Variants in NT5DC1 observed in about 807,000 individuals in gnomAD.
NT5DC1 encodes 5'-nucleotidase domain-containing protein 1.
In NT5DC1, 42 loss-of-function variants were observed where a neutral mutation model predicts 59.4. The ratio of observed to expected loss-of-function variants is 0.71; its 90% CI spans 0.55 to 0.92. The LOEUF is 0.92. NT5DC1 is among the 40% of genes least tolerant of loss of function. The probability of loss-of-function intolerance (pLI) is 0.00; values close to 1 mark genes in which losing one functional copy is unlikely to be tolerated. For missense variants in NT5DC1, 501 were observed against 537.1 expected (o/e 0.93, Z 0.66); for synonymous variants, 172 against 188.1 (o/e 0.91, Z 0.70).
rs1562176347 is a variant in NT5DC1 at position 116,235,060 on chromosome 6, T to TATTA, written c.803-1905_803-1902dup. On this transcript the variant is annotated intron_variant, in intron 8 of 11. Transcript: ENST00000319550. ...GTTTTTTTTTTTTTTTTTTGCTTCC[T>TATTA]ATTAGATTACTGAGTCTCAACATTT... Among the ~76,000 whole-genome samples, 7 of 150,868 alleles carry TATTA rather than the reference T, an allele frequency of 4.6e-5. No homozygotes were observed. In the South Asian group the frequency reaches 6.3e-4, roughly 14 times the overall value.
intron 6 of NT5DC1, among the ~76,000 whole-genome samples, chr6:116,143,772 A>G (rs928994835): frequency 7.2e-5 from 11 of 152,216 alleles, no homozygotes; most frequent in African/African-American, 2.7e-4. Context: ...TTCAGTCAAC[A>G]AAATTAGCTA....
chr6:116,122,849 A>G (rs140230341), intron 6 of NT5DC1, among the ~76,000 whole-genome samples: 1 of 152,226 alleles, frequency 6.6e-6, no homozygotes, highest in Admixed American at 6.5e-5. Flanking sequence ...TTATATTTCA[A>G]TTTGAAAACA....
At chr6:116,111,049 C>G in intron 4 of NT5DC1, 93 bp downstream of exon 4, 1 of 830,582 alleles carries the variant, frequency 1.2e-6, no homozygotes, top group South Asian at 1.6e-5. Flanking sequence ...CCCCCTTTCC[C>G]CTGCTGGGCA....
chr6:116,163,226 G>T (rs1307614896), intron 6 of NT5DC1, among the ~76,000 whole-genome samples: 1 of 147,170 alleles, frequency 6.8e-6, no homozygotes, highest in African/African-American at 2.5e-5. Context: ...AATTCCCCTG[G>T]TCCTGGGTTT....
At chr6:116,156,778 A>G (rs1349542593) in intron 6 of NT5DC1, among the ~76,000 whole-genome samples, 5 of 152,194 alleles carry the variant, frequency 3.3e-5, no homozygotes, top group South Asian at 2.1e-4. Flanking sequence ...CAAGATATCT[A>G]TGGATATGAA....
At chr6:116,164,837 G>T (rs973151228) in intron 6 of NT5DC1, among the ~76,000 whole-genome samples, 4 of 151,892 alleles carry the variant, frequency 2.6e-5, no homozygotes, top group Non-Finnish European at 5.9e-5. Flanking sequence ...AAAGATACAC[G>T]CTTTGGGAGG....
chr6:116,221,345 G>A, intron 7 of NT5DC1, 117 bp downstream of exon 7: 1 of 636,532 alleles, frequency 1.6e-6, no homozygotes, highest in Admixed American at 2.6e-5. Context: ...AATGCTGAGT[G>A]ACAAGTTGAT....
intron 8 of NT5DC1, among the ~76,000 whole-genome samples, chr6:116,236,177 C>T (rs1782110675): frequency 6.6e-6 from 1 of 152,170 alleles, no homozygotes; most frequent in South Asian, 2.1e-4. Flanking sequence ...GGTTATTTTT[C>T]TCCATACAAT....
intron 8 of NT5DC1, among the ~76,000 whole-genome samples, chr6:116,236,005 A>G (rs1782107404): frequency 6.6e-6 from 1 of 152,134 alleles, no homozygotes; most frequent in African/African-American, 2.4e-5. Flanking sequence ...CTTAAAGAGG[A>G]CCCTTCTAAT....
At chr6:116,215,305 A>G (rs544460514) in intron 6 of NT5DC1, among the ~76,000 whole-genome samples, 1 of 152,302 alleles carries the variant, frequency 6.6e-6, no homozygotes, top group African/African-American at 2.4e-5. Flanking sequence ...TAAATTGCAA[A>G]ACATGGTCTC....
intron 6 of NT5DC1, among the ~76,000 whole-genome samples, chr6:116,140,573 C>T (rs1363213678): frequency 4.6e-5 from 7 of 152,002 alleles, no homozygotes; most frequent in African/African-American, 7.3e-5. Context: ...TTTTTGAAAC[C>T]CCTATGCCAT....
chr6:116,217,188 A>G (rs1237170859), intron 6 of NT5DC1, among the ~76,000 whole-genome samples: 1 of 152,214 alleles, frequency 6.6e-6, no homozygotes, highest in East Asian at 1.9e-4. Flanking sequence ...ATACTTTTTT[A>G]CCACGAGAGG....
rs58270869 is a variant in NT5DC1, at chr6:116,155,752, TAA to T, written c.529+37826_529+37827del. On this transcript the variant is annotated intron_variant, in intron 6 of 11. Transcript: ENST00000319550. ...CACAAAGAAATAATGTACTTCTCCT[TAA>T]AAAAAAAAAAAAAAAAAAGAGGGAG... is the stretch of plus-strand genomic sequence containing the variant. Among the ~76,000 whole-genome samples, 699 of 114,538 alleles carry T rather than the reference TAA, an allele frequency of 6.1e-3. 11 individuals carry two copies. Among genetic ancestry groups the T allele is most frequent in the South Asian group, 0.047 (174 of 3,664 alleles). The allele number at this position is 114,538 out of a possible 152,430, so 75.1% of individuals were successfully genotyped here.
intron 6 of NT5DC1, among the ~76,000 whole-genome samples, chr6:116,150,919 ATGAT>A (rs986534252): frequency 2.0e-5 from 3 of 152,212 alleles, no homozygotes; most frequent in African/African-American, 7.2e-5. Flanking sequence ...TTTAGGTACT[ATGAT>A]TGACATTTAA....
chr6:116,187,361 C>T (rs532872077), intron 6 of NT5DC1, among the ~76,000 whole-genome samples: 1 of 152,130 alleles, frequency 6.6e-6, no homozygotes, highest in African/African-American at 2.4e-5. Context: ...AACTGAAGCT[C>T]ATGCCACAAT....
At chr6:116,213,207 C>T (rs1199624700) in intron 6 of NT5DC1, among the ~76,000 whole-genome samples, 1 of 152,028 alleles carries the variant, frequency 6.6e-6, no homozygotes, top group African/African-American at 2.4e-5. Context: ...TGGTTGCAGT[C>T]AGATGTCAGT....
At chr6:116,163,298 A>G (rs540757144) in intron 6 of NT5DC1, among the ~76,000 whole-genome samples, 2 of 150,550 alleles carry the variant, frequency 1.3e-5, no homozygotes, top group African/African-American at 4.9e-5. Context: ...CAATTTTATA[A>G]TTTGTTGTTA....
chr6:116,201,865 G>A (rs906628678), intron 6 of NT5DC1, among the ~76,000 whole-genome samples: 2 of 151,910 alleles, frequency 1.3e-5, no homozygotes, highest in African/African-American at 4.8e-5. Context: ...TCTATTTCTG[G>A]ACCAAATCAT....
chr6:116,238,043 A>C (rs1782154089), intron 9 of NT5DC1, 144 bp from the exon 10 acceptor site: 3 of 541,912 alleles, frequency 5.5e-6, no homozygotes, highest in Non-Finnish European at 9.6e-6. Flanking sequence ...CACCTGTGAG[A>C]TTATTCAAAT....
Sources: gnomAD v4.1 joint callset for allele counts (sites outside exome capture counted in the v4.1 genomes callset) on GRCh38, gnomAD v4.1.1 for gene constraint, MANE v1.5 for transcripts, NCBI Gene and HGNC (gene_info 2026-07-23, HGNC 2026-07-21) for gene names.